Variants in DUX4 observed in about 807,000 individuals in gnomAD.
DUX4 encodes double homeobox protein 4.
downstream of DUX4, among the ~76,000 whole-genome samples, chr4:190,176,160 C>G (rs1742295077): frequency 8.9e-6 from 1 of 112,414 alleles, no homozygotes; most frequent in African/African-American, 2.6e-5. Flanking sequence ...AGATATCTCA[C>G]AAAGCCCCTA....
downstream of DUX4, among the ~76,000 whole-genome samples, chr4:190,179,564 A>C (rs1742503715): frequency 4.1e-4 from 62 of 151,790 alleles, no homozygotes; most frequent in Middle Eastern, 3.4e-3. Flanking sequence ...TGATCAGTGC[A>C]GTGATATGTC....
chr4:190,181,891 G>T (rs1164379365), intron 1 of DUX4, among the ~76,000 whole-genome samples: 2 of 88,694 alleles, frequency 2.3e-5, no homozygotes, highest in East Asian at 7.6e-4. Context: ...TCAGTGCAGA[G>T]AGAAGTCACA....
chr4:190,179,601 C>A (rs1579835750), downstream of DUX4, among the ~76,000 whole-genome samples: 54 of 114,944 alleles, frequency 4.7e-4, no homozygotes, highest in South Asian at 1.1e-3. Context: ...AGAGCCTAGA[C>A]AAAAGTTACA....
intron 1 of DUX4, chr4:190,183,152 T>C (rs1461639773): frequency 5.5e-5 from 4 of 72,340 alleles, no homozygotes; most frequent in African/African-American, 1.3e-4. Context: ...TGGGGTTAGG[T>C]TTAGGGTTAG....
chr4:190,179,034 G>GT (rs1742473056), downstream of DUX4, among the ~76,000 whole-genome samples: 1 of 6,844 alleles, frequency 1.5e-4, no homozygotes, highest in Non-Finnish European at 2.7e-4. Context: ...ATGTCACAAA[G>GT]TCCCTTTAGG....
At chr4:190,176,581 T>G, downstream of DUX4, among the ~76,000 whole-genome samples, 1 of 115,950 alleles carries the variant, frequency 8.6e-6, no homozygotes, top group Non-Finnish European at 2.0e-5. Context: ...AAGCCTCCTG[T>G]AGGCAGAACG....
chr4:190,176,609 C>T (rs1431665729), downstream of DUX4, among the ~76,000 whole-genome samples: 90 of 116,228 alleles, frequency 7.7e-4, 12 homozygotes, highest in African/African-American at 2.3e-3. Flanking sequence ...GAGTTCCCTC[C>T]TCAGGGTGAT....
At chr4:190,177,917 T>TTA (rs1742395186), downstream of DUX4, among the ~76,000 whole-genome samples, 2 of 145,442 alleles carry the variant, frequency 1.4e-5, no homozygotes, top group African/African-American at 2.6e-5. Flanking sequence ...ACCTGGGTGA[T>TTA]CAGTGTGGAG....
chr4:190,177,021 C>T (rs1742337005), downstream of DUX4, among the ~76,000 whole-genome samples: 2 of 146,510 alleles, frequency 1.4e-5, no homozygotes, highest in South Asian at 2.2e-4. Flanking sequence ...CTTCCATCAC[C>T]TGGGTGATCA....
At chr4:190,182,282 G>GGGGTTAGGCTTAGGCTTAGGGTTA (rs1742609623) in intron 1 of DUX4, 4 of 116,900 alleles carry the variant, frequency 3.4e-5, no homozygotes, top group African/African-American at 1.0e-4. Flanking sequence ...GTTAGGGTTA[G>GGGGTTAGGCTTAGGCTTAGGGTTA]GGGTTAGGCT....
chr4:190,183,121 G>A (rs1225211858), intron 1 of DUX4: 1 of 49,116 alleles, frequency 2.0e-5, no homozygotes, highest in African/African-American at 3.9e-5. Context: ...TAGGTTTTAG[G>A]GTTAAGGTTA....
downstream of DUX4, among the ~76,000 whole-genome samples, chr4:190,178,918 AG>A (rs1742463368): frequency 7.5e-6 from 1 of 133,180 alleles, no homozygotes; most frequent in Non-Finnish European, 1.7e-5. Flanking sequence ...GGCAGATCCA[AG>A]ACAAGAGTCC....
chr4:190,181,581 GTCAAGCGTTACATCA>G (rs1742583875), intron 1 of DUX4, among the ~76,000 whole-genome samples: 1 of 93,296 alleles, frequency 1.1e-5, no homozygotes, highest in Non-Finnish European at 2.1e-5. Context: ...GCAGAGCCTA[GTCAAGCGTTACATCA>G]CCTGGGTGAT....
downstream of DUX4, among the ~76,000 whole-genome samples, chr4:190,176,363 C>A (rs1210125055): frequency 9.4e-6 from 1 of 106,832 alleles, no homozygotes; most frequent in Non-Finnish European, 2.2e-5. Context: ...AGAGATGTGT[C>A]AAAACGCTCC....
downstream of DUX4, among the ~76,000 whole-genome samples, chr4:190,178,636 GGCAGTGCTT>G (rs1742438462): frequency 6.6e-6 from 1 of 152,186 alleles, no homozygotes; most frequent in Non-Finnish European, 1.5e-5. Flanking sequence ...ATTCCCTGTA[GGCAGTGCTT>G]ATAAAAGTGT....
intron 1 of DUX4, among the ~76,000 whole-genome samples, chr4:190,181,219 T>TGCCCCCATAGGCAAATCCAAGACAAGAA (rs1742552748): frequency 7.9e-6 from 1 of 126,440 alleles, no homozygotes; most frequent in Admixed American, 8.6e-5. Context: ...ATATGTCACA[T>TGCCCCCATAGGCAAATCCAAGACAAGAA]TGCCCCCATA....
At chr4:190,176,649 T>A (rs1322384876), downstream of DUX4, among the ~76,000 whole-genome samples, 2,517 of 76,834 alleles carry the variant, frequency 0.033, 24 homozygotes, top group East Asian at 0.046. Flanking sequence ...AAAGCCCCTG[T>A]AGGCAGAGCC....
At chr4:190,175,996 C>G (rs1168348455), downstream of DUX4, among the ~76,000 whole-genome samples, 4 of 110,320 alleles carry the variant, frequency 3.6e-5, 1 homozygote, top group Non-Finnish European at 4.2e-5. Context: ...GGTTACATCA[C>G]TTAGGTGATC....
downstream of DUX4, among the ~76,000 whole-genome samples, chr4:190,178,197 G>A (rs1579833907): frequency 1.8e-3 from 199 of 110,190 alleles, no homozygotes; most frequent in South Asian, 4.6e-3. Flanking sequence ...GGTGATCAGT[G>A]CAGAGATATG....
Sources: gnomAD v4.1 joint callset for allele counts (sites outside exome capture counted in the v4.1 genomes callset) on GRCh38, gnomAD v4.1.1 for gene constraint, MANE v1.5 for transcripts, NCBI Gene and HGNC (gene_info 2026-07-23, HGNC 2026-07-21) for gene names.